Variants in FSTL5 observed in about 807,000 individuals in gnomAD.
The protein encoded by FSTL5 is follistatin-related protein 5.
A neutral mutation model predicts 89.1 loss-of-function variants in FSTL5; 62 were observed. That is an observed-to-expected ratio of 0.70 (90% confidence interval 0.57 to 0.86). The LOEUF is 0.86. Among genes scored for constraint, FSTL5 ranks in the 40% least tolerant of loss-of-function variants. The pLI, the probability that FSTL5 is intolerant of heterozygous loss-of-function variation, is 0.00. For synonymous variants in FSTL5, 383 were observed against 346.2 expected (o/e 1.11, Z -1.18); for missense variants, 1,057 against 1,001.6 (o/e 1.06, Z -0.75).
intron 1 of FSTL5, among the ~76,000 whole-genome samples, chr4:162,146,075 G>T (rs1034753398): frequency 6.6e-6 from 1 of 151,968 alleles, no homozygotes; most frequent in Non-Finnish European, 1.5e-5. Context: ...TTCCTGTTTT[G>T]ATAATTTCTT....
intron 7 of FSTL5, among the ~76,000 whole-genome samples, chr4:161,594,731 T>G (rs1171601063): frequency 6.6e-6 from 1 of 152,034 alleles, no homozygotes; most frequent in Non-Finnish European, 1.5e-5. Context: ...GAGCTAGACT[T>G]TAACTAATCC....
Position 161,655,913 on chromosome 4 carries a change from T to C in FSTL5, c.894+415A>G, listed in dbSNP as rs372060217. Among the ~76,000 whole-genome samples the C allele has an allele frequency of 8.5e-5, 13 of 152,294 alleles. No homozygotes were observed. The East Asian group carries it at 1.5e-3, about 18-fold the overall frequency. Reference sequence around the variant, plus strand: ...CTCATCCATACCATCACATTTCCTATTGATGGCATTTTAATTTTTCCTTTT... The same window carrying C: ...CTCATCCATACCATCACATTTCCTACTGATGGCATTTTAATTTTTCCTTTT... On this transcript the variant is annotated intron_variant, in intron 7 of 15. Transcript: ENST00000306100.
chr4:161,887,971 T>C (rs981964514), intron 4 of FSTL5, among the ~76,000 whole-genome samples: 4 of 152,170 alleles, frequency 2.6e-5, no homozygotes, highest in East Asian at 1.9e-4. Context: ...CATTAATGCA[T>C]TGATTTCACC....
At chr4:161,555,058 T>G (rs543180427) in intron 8 of FSTL5, among the ~76,000 whole-genome samples, 2 of 151,770 alleles carry the variant, frequency 1.3e-5, no homozygotes, top group African/African-American at 4.8e-5. Flanking sequence ...TATTGCAGTC[T>G]TCATGAAAGT....
intron 3 of FSTL5, among the ~76,000 whole-genome samples, chr4:162,016,323 G>T (rs1181796654): frequency 6.6e-6 from 1 of 152,120 alleles, no homozygotes; most frequent in East Asian, 1.9e-4. Flanking sequence ...AAAATAGACT[G>T]TGATAATCTT....
At chr4:161,662,817 T>C (rs1421409698) in intron 6 of FSTL5, among the ~76,000 whole-genome samples, 1 of 152,100 alleles carries the variant, frequency 6.6e-6, no homozygotes, top group African/African-American at 2.4e-5. Context: ...ACTGTATTAG[T>C]CCATTTTCAC....
chr4:161,874,688 T>C (rs977466536), intron 4 of FSTL5, among the ~76,000 whole-genome samples: 1 of 151,972 alleles, frequency 6.6e-6, no homozygotes, highest in Non-Finnish European at 1.5e-5. Context: ...AGTTGATGAA[T>C]CTTCTTTTCG....
At chr4:161,872,979 T>G (rs1732323768) in intron 4 of FSTL5, among the ~76,000 whole-genome samples, 1 of 152,186 alleles carries the variant, frequency 6.6e-6, no homozygotes, top group East Asian at 1.9e-4. Context: ...TGAAACATGT[T>G]AGAAATACAT....
In FSTL5 at chr4:162,139,498, ACAC is replaced by A. The variant is rs1489123255; in HGVS notation, c.-17+24114_-17+24116del. Among the ~76,000 whole-genome samples the A allele has an allele frequency of 1.2e-4, 18 of 152,066 alleles. No individual in the cohort carries two copies. The East Asian group carries it at 3.3e-3, about 28-fold the overall frequency. On this transcript the variant is annotated intron_variant, in intron 1 of 15. Transcript: ENST00000306100. Reference sequence around the variant, plus strand: ...AACACACACATACACATACACATATACACCACATTAGGCGAAAGTTAGAGGCAG... The same window carrying A: ...AACACACACATACACATACACATATACACATTAGGCGAAAGTTAGAGGCAG...
Position 162,033,673 on chromosome 4 carries a change from G to GA in FSTL5, c.127-16dup. On this transcript the variant is annotated splice_polypyrimidine_tract_variant and intron_variant, in intron 2 of 15. Transcript: ENST00000306100. ...TTTTTTTCCTGCTGGAAATAAAACAGAAAATAGGTCAAAATATGTAAGTAA... is the reference window on the plus strand; with the variant it reads ...TTTTTTTCCTGCTGGAAATAAAACAGAAAAATAGGTCAAAATATGTAAGTAA... 2 of 1,441,772 alleles carry GA rather than the reference G, an allele frequency of 1.4e-6. No homozygotes were observed. The highest frequency in any genetic ancestry group is 1.9e-6 in the Non-Finnish European group (2 of 1,044,408). 89.3% of individuals were successfully genotyped at this position (1,441,772 alleles called of 1,614,324 possible).
At chr4:161,617,776 T>C (rs755999638) in intron 7 of FSTL5, among the ~76,000 whole-genome samples, 1 of 152,200 alleles carries the variant, frequency 6.6e-6, no homozygotes, top group African/African-American at 2.4e-5. Flanking sequence ...TATAGAATTA[T>C]ATGTCCAGTG....
chr4:162,083,198 A>T (rs775371540), intron 2 of FSTL5, among the ~76,000 whole-genome samples: 6 of 151,766 alleles, frequency 4.0e-5, no homozygotes, highest in Non-Finnish European at 7.4e-5. Context: ...TACAATATTG[A>T]TTTAACATAG....
chr4:161,403,109 G>A (rs963900845), intron 15 of FSTL5, among the ~76,000 whole-genome samples: 1 of 152,116 alleles, frequency 6.6e-6, no homozygotes, highest in Admixed American at 6.5e-5. Flanking sequence ...GATTACAGGC[G>A]TGAGCCATGG....
intron 7 of FSTL5, among the ~76,000 whole-genome samples, chr4:161,593,699 A>G (rs1733911966): frequency 6.6e-6 from 1 of 152,130 alleles, no homozygotes; most frequent in East Asian, 1.9e-4. Flanking sequence ...ATATCATATT[A>G]TATACGATCA....
chr4:161,829,373 G>A (rs1730771879), intron 4 of FSTL5, among the ~76,000 whole-genome samples: 1 of 150,656 alleles, frequency 6.6e-6, no homozygotes, highest in African/African-American at 2.4e-5. Context: ...TTTCAAGATT[G>A]TCAGTGAATA....
At chr4:161,970,216 T>C (rs910085063) in intron 3 of FSTL5, among the ~76,000 whole-genome samples, 2 of 152,042 alleles carry the variant, frequency 1.3e-5, no homozygotes, top group Non-Finnish European at 2.9e-5. Context: ...GTAAGATCAT[T>C]TAAGTAGGAA....
chr4:162,143,177 A>C (rs1732816904), intron 1 of FSTL5, among the ~76,000 whole-genome samples: 2 of 151,266 alleles, frequency 1.3e-5, no homozygotes, highest in Non-Finnish European at 3.0e-5. Flanking sequence ...TTTTTTTTCC[A>C]TAATTAGCCA....
chr4:161,967,565 G>C (rs753963765), intron 3 of FSTL5, among the ~76,000 whole-genome samples: 5 of 151,966 alleles, frequency 3.3e-5, no homozygotes, highest in African/African-American at 1.2e-4. Context: ...AAATAACTTT[G>C]TAAGTTGTTG....
intron 4 of FSTL5, among the ~76,000 whole-genome samples, chr4:161,791,834 G>A (rs1401038399): frequency 6.6e-6 from 1 of 152,218 alleles, no homozygotes; most frequent in Non-Finnish European, 1.5e-5. Context: ...TGATTGAAAA[G>A]ATCCTTTTGA....
Sources: allele counts gnomAD v4.1 joint callset (sites outside exome capture counted in the v4.1 genomes callset), GRCh38; gene constraint gnomAD v4.1.1; transcripts MANE v1.5; gene names NCBI Gene and HGNC (gene_info 2026-07-23, HGNC 2026-07-21).